Variants in ECPAS observed in about 807,000 individuals in gnomAD.
The protein encoded by ECPAS is proteasome adapter and scaffold protein ECM29.
ECPAS carries 70 observed loss-of-function variants against 255.1 expected under a neutral mutation model. The observed-to-expected ratio is 0.27, with a 90% confidence interval of 0.23 to 0.33. ECPAS has a LOEUF of 0.33. Ranked by LOEUF, ECPAS falls within the 10% of genes least tolerant of loss-of-function variation. ECPAS has a pLI of 1.00. For missense variants in ECPAS, 1,817 were observed against 2,206.4 expected, an observed-to-expected ratio of 0.82 and a Z score of 3.54; for synonymous variants, 784 against 775.0, an observed-to-expected ratio of 1.01 and a Z score of -0.19.
At chr9:111,416,809 G>A (rs947245214) in intron 17 of ECPAS, among the ~76,000 whole-genome samples, 9 of 152,268 alleles carry the variant, frequency 5.9e-5, no homozygotes, top group African/African-American at 1.9e-4. Flanking sequence ...GAGGTAAAAG[G>A]TAGGAAGGTG....
chr9:111,456,967 G>A (rs1313609192), intron 2 of ECPAS, among the ~76,000 whole-genome samples: 2 of 152,060 alleles, frequency 1.3e-5, no homozygotes, highest in East Asian at 1.9e-4. Context: ...TGCAGGAGAA[G>A]GAAAGTCTGA....
chr9:111,412,212 T>G (rs796264757), intron 20 of ECPAS, 64 bp from the exon 21 acceptor site: 2 of 1,352,710 alleles, frequency 1.5e-6, no homozygotes, highest in Non-Finnish European at 1.9e-6. Context: ...GATGACAACA[T>G]CTTTTAAAAT....
At chr9:111,481,203 C>T (rs986235810) in intron 1 of ECPAS, among the ~76,000 whole-genome samples, 1 of 152,164 alleles carries the variant, frequency 6.6e-6, no homozygotes, top group African/African-American at 2.4e-5. Context: ...CTGTCAAAAA[C>T]AGTACAGTGG....
intron 30 of ECPAS, 68 bp from the exon 31 acceptor site, chr9:111,389,791 C>A (rs2098156481): frequency 1.1e-5 from 17 of 1,480,964 alleles, no homozygotes; most frequent in Non-Finnish European, 1.5e-5. Context: ...GCAAAAAATT[C>A]TCCCTCCAAA....
Position 111,383,230 on chromosome 9 carries a change from T to C in ECPAS, c.3784A>G (p.Thr1262Ala). Reference protein sequence around the residue: ...LLDKGMMSTVTEVRALSINTL... With the variant: ...LLDKGMMSTVAEVRALSINTL... Reference sequence around the variant, plus strand: ...GCACACCTGAGGGCTCGAACTTCCGTCACGGTGCTCATCATTCCTTTGTCC... The same window carrying C: ...GCACACCTGAGGGCTCGAACTTCCGCCACGGTGCTCATCATTCCTTTGTCC... The change falls in exon 35 of 50, where the codon ACG (threonine) becomes GCG (alanine). Residue 1262 changes from threonine to alanine, a missense_variant. Around this residue, in one of 4 missense-constraint regions of ECPAS, gnomAD observed 960 missense variants for 1,179.0 expected, o/e 0.81. Transcript: ENST00000684092. 1 of 1,613,862 alleles carries C rather than the reference T, an allele frequency of 6.2e-7. No individual in the cohort carries two copies. The highest frequency in any genetic ancestry group is 1.1e-5 in the South Asian group (1 of 91,044).
intron 37 of ECPAS, among the ~76,000 whole-genome samples, chr9:111,375,480 T>C (rs990131485): frequency 1.3e-5 from 2 of 152,146 alleles, no homozygotes; most frequent in African/African-American, 4.8e-5. Flanking sequence ...ATGAAGAATC[T>C]TTCTGGGCCT....
intron 7 of ECPAS, among the ~76,000 whole-genome samples, chr9:111,435,619 A>G (rs1285658612): frequency 6.6e-6 from 1 of 152,068 alleles, no homozygotes; most frequent in East Asian, 1.9e-4. Context: ...TTGTATTCAA[A>G]GTACCCGGTA....
rs1321029802 is a variant in ECPAS, at chr9:111,394,185, T to C, written c.2897A>G (p.Lys966Arg). 6.2e-7 allele frequency: 1 copy of C among 1,609,036 alleles called. No homozygotes were observed. The highest frequency in any genetic ancestry group is 2.2e-5 in the East Asian group (1 of 44,632). ...CTTCACTTCTTTGTGGGTACTTAGCTTCCTGACAAGGGAAAGGAGCCAGAT... is the reference window on the plus strand; with the variant it reads ...CTTCACTTCTTTGTGGGTACTTAGCCTCCTGACAAGGGAAAGGAGCCAGAT... ...ACIWLLSLVR[K>R]LSTHKEVKSH... is the part of the protein sequence containing the mutation. The change falls in exon 26 of 50, where the codon AAG becomes AGG. Residue 966 changes from lysine (K) to arginine (R), a missense_variant. By Grantham distance (26) the Lys-to-Arg change is conservative. Coordinates refer to ENST00000684092, the MANE Select transcript of ECPAS (RefSeq NM_001364929.1).
At chr9:111,478,582 A>C (rs901490130) in intron 1 of ECPAS, among the ~76,000 whole-genome samples, 2 of 152,206 alleles carry the variant, frequency 1.3e-5, no homozygotes, top group African/African-American at 4.8e-5. Flanking sequence ...GAACCCTAAC[A>C]GTCAATTTTG....
At chr9:111,421,894 C>T (rs771111316) in intron 15 of ECPAS, 27 bp downstream of exon 15, 4 of 1,607,916 alleles carry the variant, frequency 2.5e-6, no homozygotes, top group Non-Finnish European at 3.4e-6. Context: ...GTATACTACC[C>T]AGGCTTTGTA....
intron 46 of ECPAS, among the ~76,000 whole-genome samples, chr9:111,367,203 T>TAAAAATAA (rs1252258150): frequency 1.3e-5 from 2 of 152,200 alleles, no homozygotes; most frequent in African/African-American, 4.8e-5. Flanking sequence ...CGAAGTTATT[T>TAAAAATAA]TTAATTACTG....
At chr9:111,425,581 G>T (rs1755001635) in intron 11 of ECPAS, 85 bp from the exon 12 acceptor site, 1 of 1,086,970 alleles carries the variant, frequency 9.2e-7, no homozygotes, top group Non-Finnish European at 1.3e-6. Context: ...AATAATGAGA[G>T]ACATAACCGA....
intron 2 of ECPAS, 39 bp downstream of exon 2, chr9:111,472,858 A>G (rs945337976): frequency 2.7e-6 from 2 of 737,600 alleles, no homozygotes; most frequent in Non-Finnish European, 3.8e-6. Context: ...TGCTGCTACA[A>G]AAAAAATGCA....
intron 2 of ECPAS, among the ~76,000 whole-genome samples, chr9:111,465,264 G>A (rs2098278053): frequency 6.6e-6 from 1 of 152,006 alleles, no homozygotes; most frequent in Non-Finnish European, 1.5e-5. Context: ...CCAAGGCCGG[G>A]CACAGTGGCT....
chr9:111,456,923 TA>T (rs1175528418), intron 2 of ECPAS, among the ~76,000 whole-genome samples: 1 of 152,040 alleles, frequency 6.6e-6, no homozygotes, highest in Non-Finnish European at 1.5e-5. Context: ...ACAGAAGGCC[TA>T]GGACAGACTG....
rs1564523429 is a variant in ECPAS, at chr9:111,407,433, A to AAAAAAC, written c.2652+1132_2652+1137dup. Among the ~76,000 whole-genome samples the AAAAAAC allele has an allele frequency of 1.2e-4, 17 of 146,700 alleles. 1 individual carries two copies. The highest frequency in any genetic ancestry group is 4.2e-4 in the African/African-American group (17 of 40,102). ...AAAAAAAAAAAAAAAAAAAAAAAAAAAAAAACCTAGAAGAAACCCACCTCA... is the reference window on the plus strand; with the variant it reads ...AAAAAAAAAAAAAAAAAAAAAAAAAAAAAAACAAAAACCTAGAAGAAACCCACCTCA... On this transcript the variant is annotated intron_variant, in intron 24 of 49. Transcript: ENST00000684092.
intron 20 of ECPAS, 59 bp from the exon 21 acceptor site, chr9:111,412,207 C>A: frequency 7.3e-7 from 1 of 1,377,704 alleles, no homozygotes; most frequent in Non-Finnish European, 9.5e-7. Flanking sequence ...TGCCTGATGA[C>A]AACATCTTTT....
chr9:111,439,523 C>T (rs2418164), intron 6 of ECPAS, among the ~76,000 whole-genome samples: 1 of 151,930 alleles, frequency 6.6e-6, no homozygotes, highest in South Asian at 2.1e-4. Flanking sequence ...TTCGGCCCCC[C>T]CTTCCCAAAG....
chr9:111,368,196 C>G (rs1198381022), intron 46 of ECPAS, among the ~76,000 whole-genome samples: 1 of 152,154 alleles, frequency 6.6e-6, no homozygotes, highest in South Asian at 2.1e-4. Context: ...AAGGCCCTGT[C>G]AGGGGACTCC....
Sources: gnomAD v4.1 joint callset for allele counts (sites outside exome capture counted in the v4.1 genomes callset) on GRCh38, gnomAD v4.1.1 for gene constraint, gnomAD v4.1.1 regional missense constraint, MANE v1.5 for transcripts, NCBI Gene and HGNC (gene_info 2026-07-23, HGNC 2026-07-21) for gene names.